NXPE2: variants seen among roughly 807,000 people sequenced by gnomAD.
NXPE2 encodes neurexophilin and PC-esterase domain family member 2, also known as NXPE family member 2.
Under a neutral mutation model 34.4 loss-of-function variants are expected in NXPE2, and 34 were observed. The observed-to-expected ratio is 0.99, with a 90% CI of 0.75 to 1.31. The LOEUF (loss-of-function observed/expected upper bound fraction) is 1.31, where lower values mean the gene tolerates loss of function less well. Among genes scored for constraint, NXPE2 ranks in the 40% most tolerant of loss-of-function variants. NXPE2 has a pLI of 0.00. For missense variants in NXPE2, 649 were observed against 672.5 expected (o/e 0.97, Z 0.39); for synonymous variants, 235 against 231.3 (o/e 1.02, Z -0.15).
the NXPE2 span, among the ~76,000 whole-genome samples, chr11:114,721,764 GAGAA>G: frequency 1.3e-5 from 2 of 152,122 alleles, no homozygotes; most frequent in Admixed American, 1.3e-4. Context: ...CTGGAAGAGA[GAGAA>G]GATAAATAAT....
chr11:114,499,337 ATC>A, the NXPE2 span, among the ~76,000 whole-genome samples: 1 of 152,078 alleles, frequency 6.6e-6, no homozygotes, highest in Admixed American at 6.6e-5. Context: ...TATTTATCAA[ATC>A]TATTTTTATT....
the NXPE2 span, among the ~76,000 whole-genome samples, chr11:114,805,824 C>G: frequency 2.0e-5 from 3 of 152,224 alleles, no homozygotes; most frequent in Admixed American, 6.5e-5. Context: ...AAATGTCCCT[C>G]TCTGACAGCT....
the NXPE2 span, among the ~76,000 whole-genome samples, chr11:114,667,306 A>G: frequency 6.6e-6 from 1 of 152,192 alleles, no homozygotes; most frequent in Non-Finnish European, 1.5e-5. Context: ...AATGTTTTTA[A>G]TAAACATAAT....
At chr11:114,743,416 GAC>G in the NXPE2 span, among the ~76,000 whole-genome samples, 2,997 of 152,198 alleles carry the variant, frequency 0.02, 95 homozygotes, top group African/African-American at 0.069. Flanking sequence ...TATATAATAT[GAC>G]ACATAAGCAT....
chr11:114,557,645 A>ATG, the NXPE2 span, among the ~76,000 whole-genome samples: 3 of 39,344 alleles, frequency 7.6e-5, no homozygotes, highest in Non-Finnish European at 1.2e-4. Context: ...ATATATATAT[A>ATG]TATATATATA....
chr11:114,777,226 G>A, the NXPE2 span, among the ~76,000 whole-genome samples: 3 of 152,158 alleles, frequency 2.0e-5, no homozygotes, highest in African/African-American at 7.2e-5. Flanking sequence ...TTAGTAATTT[G>A]CTCAATGTTT....
chr11:114,729,469 C>G, the NXPE2 span, among the ~76,000 whole-genome samples: 1 of 152,024 alleles, frequency 6.6e-6, no homozygotes, highest in East Asian at 1.9e-4. Context: ...GTTTTAAGTT[C>G]TTTGAGAAAT....
At chr11:114,483,956 G>C in the NXPE2 span, among the ~76,000 whole-genome samples, 1 of 152,148 alleles carries the variant, frequency 6.6e-6, no homozygotes, top group Non-Finnish European at 1.5e-5. Flanking sequence ...TTGAGTGTCT[G>C]ATGCTATTCT....
intron 2 of NXPE2, among the ~76,000 whole-genome samples, chr11:114,683,763 A>G (rs1377912998): frequency 6.6e-6 from 1 of 152,202 alleles, no homozygotes; most frequent in Non-Finnish European, 1.5e-5. Context: ...TTAATAAATA[A>G]CTGGTAAATA....
At chr11:114,510,593 C>G in the NXPE2 span, among the ~76,000 whole-genome samples, 4 of 152,080 alleles carry the variant, frequency 2.6e-5, no homozygotes, top group African/African-American at 9.7e-5. Flanking sequence ...ATAGATGTTT[C>G]CTAGGGTAGT....
At chr11:114,741,280 T>C in the NXPE2 span, among the ~76,000 whole-genome samples, 1 of 152,242 alleles carries the variant, frequency 6.6e-6, no homozygotes, top group African/African-American at 2.4e-5. Flanking sequence ...GACAGTTTGA[T>C]TACAATGTGT....
chr11:114,697,984 T>C (rs1397638114), intron 2 of NXPE2, 61 bp from the exon 3 acceptor site: 1 of 1,367,354 alleles, frequency 7.3e-7, no homozygotes, highest in East Asian at 2.6e-5. Flanking sequence ...TAATAATTTA[T>C]ATTGAAAAGC....
the NXPE2 span, chr11:114,581,603 T>C: frequency 1.3e-6 from 1 of 772,286 alleles, no homozygotes; most frequent in Non-Finnish European, 2.2e-6. Flanking sequence ...TGGCCAACCT[T>C]AGATAAGCCA....
the NXPE2 span, chr11:114,513,109 T>A: frequency 1.9e-6 from 1 of 537,856 alleles, no homozygotes; most frequent in Non-Finnish European, 3.8e-6. Context: ...CTGAAGCACC[T>A]GCCATCAGGG....
At chr11:114,552,655 T>C in the NXPE2 span, among the ~76,000 whole-genome samples, 2 of 152,122 alleles carry the variant, frequency 1.3e-5, no homozygotes, top group African/African-American at 2.4e-5. Context: ...TTTCTGACTT[T>C]TAAGTGAATT....
chr11:114,525,066 C>T, the NXPE2 span, among the ~76,000 whole-genome samples: 1 of 151,976 alleles, frequency 6.6e-6, no homozygotes, highest in African/African-American at 2.4e-5. Context: ...CCATCTGAAC[C>T]ACCCTTCCCT....
the NXPE2 span, among the ~76,000 whole-genome samples, chr11:114,806,280 CA>C: frequency 6.6e-6 from 1 of 152,254 alleles, no homozygotes; most frequent in South Asian, 2.1e-4. Context: ...CTCTAAAAAT[CA>C]GAGCGCCTCT....
chr11:114,629,012 A>G, the NXPE2 span, among the ~76,000 whole-genome samples: 5 of 152,068 alleles, frequency 3.3e-5, no homozygotes, highest in Admixed American at 3.3e-4. Flanking sequence ...ACAGGCTCTG[A>G]AATTGTGGCA....
upstream of NXPE2, among the ~76,000 whole-genome samples, chr11:114,676,516 C>T (rs1186336399): frequency 1.3e-5 from 2 of 151,832 alleles, no homozygotes; most frequent in Admixed American, 6.6e-5. Flanking sequence ...AAATGTCAAG[C>T]CTCACTAATC....
Sources: gnomAD v4.1 joint callset for allele counts (sites outside exome capture counted in the v4.1 genomes callset) on GRCh38, gnomAD v4.1.1 for gene constraint, MANE v1.5 for transcripts, NCBI Gene and HGNC (gene_info 2026-07-23, HGNC 2026-07-21) for gene names.